The following BRD7 variants were observed in gnomAD, a reference collection of about 807,000 sequenced individuals.
BRD7 encodes bromodomain-containing protein 7.
Under a neutral mutation model 82.1 loss-of-function variants are expected in BRD7, and 15 were observed. The ratio of observed to expected loss-of-function variants is 0.18; its 90% CI spans 0.12 to 0.28. The LOEUF (loss-of-function observed/expected upper bound fraction) is 0.28, where lower values mean the gene tolerates loss of function less well. BRD7 is among the 10% of genes least tolerant of loss of function. The pLI is 1.00. For synonymous variants in BRD7, 232 were observed against 266.9 expected (o/e 0.87, Z 1.27); for missense variants, 638 against 779.9 (o/e 0.82, Z 2.17).
At chr16:50,356,389 A>G (rs529965708) in intron 2 of BRD7, among the ~76,000 whole-genome samples, 34 of 152,348 alleles carry the variant, frequency 2.2e-4, no homozygotes, top group African/African-American at 8.2e-4. Context: ...GAATAATCCA[A>G]TGCCTATTAA....
chr16:50,343,509 C>T (rs957189421), intron 5 of BRD7, among the ~76,000 whole-genome samples: 3 of 152,312 alleles, frequency 2.0e-5, no homozygotes, highest in Middle Eastern at 3.4e-3. Flanking sequence ...GGCAGGGAAT[C>T]ACCTCACTCA....
chr16:50,343,388 T>A (rs897964092), intron 5 of BRD7, among the ~76,000 whole-genome samples: 1 of 152,220 alleles, frequency 6.6e-6, no homozygotes, highest in African/African-American at 2.4e-5. Flanking sequence ...GCTCCCAGCA[T>A]GAGTGATGCA....
intron 16 of BRD7, among the ~76,000 whole-genome samples, chr16:50,319,678 T>G (rs1179545607): frequency 6.6e-6 from 1 of 152,160 alleles, no homozygotes; most frequent in Non-Finnish European, 1.5e-5. Flanking sequence ...ATGAAGTATA[T>G]AAGTAGAGAT....
chr16:50,324,324 T>G (rs1467175319), intron 11 of BRD7, among the ~76,000 whole-genome samples: 1 of 152,086 alleles, frequency 6.6e-6, no homozygotes, highest in African/African-American at 2.4e-5. Context: ...CCCGGTCCAT[T>G]TCTCATCTCC....
At position 50,367,967 on chromosome 16, in the gene BRD7, C is replaced by T. The variant is rs1029609604; in HGVS notation, c.258+123G>A. 12 of 987,640 alleles carry T rather than the reference C, an allele frequency of 1.2e-5. No individual in the cohort carries two copies. The African/African-American group carries it at 1.9e-4, about 16-fold the overall frequency. The allele number at this position is 987,640 out of a possible 1,614,324, so 61.2% of individuals were successfully genotyped here. The stretch of plus-strand genomic sequence containing the variant: ...TTCATGTCTCTATTCTGTCCTGCTC[C>T]TCCTCAAACGAGCCAGATCTTAGAG... On this transcript the variant is annotated intron_variant, in intron 2 of 16. Coordinates refer to ENST00000394688, the MANE Select transcript of BRD7 (RefSeq NM_013263.5).
At chr16:50,362,464 G>T (rs2038969007) in intron 2 of BRD7, among the ~76,000 whole-genome samples, 1 of 152,194 alleles carries the variant, frequency 6.6e-6, no homozygotes, top group African/African-American at 2.4e-5. Context: ...TCCAAAAGAA[G>T]TGAAAGTAGG....
chr16:50,316,870 C>G lies in BRD7; in HGVS notation c.*2341G>C, dbSNP rs2036824199. ...CCAGGATTTCTAATGCACTCAGTTT[C>G]CCTACATAGCAGGGATTCTTAGCTA... On this transcript the variant is annotated 3_prime_UTR_variant, in exon 17 of 17. Transcript: ENST00000394688. The G allele has an allele frequency of 6.6e-6, 1 of 152,366 alleles. No homozygotes were observed. Among genetic ancestry groups the G allele is most frequent in the Admixed American group, 6.5e-5 (1 of 15,288 alleles). 9.4% of individuals were successfully genotyped at this position (152,366 alleles called of 1,614,324 possible). A position where few individuals can be genotyped will look rare whatever the true frequency, so the allele number is the denominator to read the frequency against.
In BRD7 at chr16:50,319,986, T is replaced by A. The variant is rs2037018217; in HGVS notation, c.1801A>T (p.Thr601Ser). The change falls in exon 16 of 17, where the codon ACT (threonine) becomes TCT (serine). Residue 601 changes from threonine to serine, a missense_variant. Thr to Ser is a moderately conservative substitution (Grantham distance 58). This residue lies in a region of BRD7 where 402 missense variants were observed against 500.8 expected (regional missense o/e 0.80). Coordinates refer to ENST00000394688, the MANE Select transcript of BRD7 (RefSeq NM_013263.5). ...NNLKELAQQVTPGDIVSTYGV... is the reference protein window; with the variant it reads ...NNLKELAQQVSPGDIVSTYGV... ...TACGTGCTTACGATATCACCTGGAG[T>A]TACTTGCTGTGCAAGTTCTTTAAGA... The A allele has an allele frequency of 6.2e-7, 1 of 1,612,164 alleles. No homozygotes were observed. The highest frequency in any genetic ancestry group is 8.5e-7 in the Non-Finnish European group (1 of 1,179,476).
chr16:50,337,256 C>CTTTTT (rs71138063), intron 6 of BRD7, among the ~76,000 whole-genome samples: 26 of 93,246 alleles, frequency 2.8e-4, no homozygotes, highest in Admixed American at 3.9e-4. Flanking sequence ...GTTCATTCTT[C>CTTTTT]TTTTTTTTTT....
intron 2 of BRD7, among the ~76,000 whole-genome samples, chr16:50,364,642 A>G (rs1329788739): frequency 1.3e-5 from 2 of 152,230 alleles, no homozygotes; most frequent in Admixed American, 6.5e-5. Context: ...TCAAGAAAGG[A>G]TAGAGTGGCT....
At chr16:50,357,275 T>G (rs975301161) in intron 2 of BRD7, among the ~76,000 whole-genome samples, 1 of 152,208 alleles carries the variant, frequency 6.6e-6, no homozygotes, top group African/African-American at 2.4e-5. Context: ...ATCACTGATC[T>G]AGAGCTCTGC....
chr16:50,368,394 C>G (rs940789449), intron 1 of BRD7, 96 bp from the exon 2 acceptor site: 2 of 1,336,446 alleles, frequency 1.5e-6, no homozygotes, highest in African/African-American at 3.0e-5. Flanking sequence ...GCGCAGCAAG[C>G]CCGAGGCGGC....
intron 6 of BRD7, among the ~76,000 whole-genome samples, chr16:50,338,718 A>G (rs896977655): frequency 2.6e-5 from 4 of 152,176 alleles, no homozygotes; most frequent in African/African-American, 9.7e-5. Flanking sequence ...AATGCTAGAA[A>G]TCATCTTGGA....
intron 9 of BRD7, among the ~76,000 whole-genome samples, chr16:50,327,357 G>A (rs562225374): frequency 1.3e-4 from 20 of 152,150 alleles, no homozygotes; most frequent in Non-Finnish European, 2.6e-4. Flanking sequence ...AGATCTTAAG[G>A]TGTCACCTAC....
At chr16:50,329,852 A>C (rs2037485872) in intron 8 of BRD7, among the ~76,000 whole-genome samples, 1 of 152,212 alleles carries the variant, frequency 6.6e-6, no homozygotes, top group African/African-American at 2.4e-5. Context: ...GCTCAGTTAA[A>C]ACTGCTATTT....
At chr16:50,338,608 T>C (rs934950311) in intron 6 of BRD7, among the ~76,000 whole-genome samples, 3 of 152,252 alleles carry the variant, frequency 2.0e-5, no homozygotes, top group African/African-American at 7.2e-5. Context: ...ACCAGTGTCT[T>C]ATACCCACTC....
intron 13 of BRD7, 52 bp downstream of exon 13, chr16:50,321,930 C>T: frequency 1.3e-6 from 2 of 1,518,554 alleles, no homozygotes; most frequent in South Asian, 2.3e-5. Flanking sequence ...ACTTCTCTTA[C>T]TCCCCTTATT....
chr16:50,340,318 AG>A (rs1477647939), intron 5 of BRD7, among the ~76,000 whole-genome samples: 1 of 152,246 alleles, frequency 6.6e-6, no homozygotes, highest in Non-Finnish European at 1.5e-5. Context: ...AATATTTTAT[AG>A]TACCTGTATA....
At chr16:50,319,559 G>A (rs1338957751) in intron 16 of BRD7, among the ~76,000 whole-genome samples, 1 of 152,004 alleles carries the variant, frequency 6.6e-6, no homozygotes, top group South Asian at 2.1e-4. Context: ...TTCCACATCT[G>A]CAGATTCAAC....
Sources: allele counts gnomAD v4.1 joint callset (sites outside exome capture counted in the v4.1 genomes callset), GRCh38; gene constraint gnomAD v4.1.1; regional missense constraint gnomAD v4.1.1; transcripts MANE v1.5; gene names NCBI Gene and HGNC (gene_info 2026-07-23, HGNC 2026-07-21).